Variants in TBX19 observed in about 807,000 individuals in gnomAD.
TBX19 encodes the protein T-box transcription factor TBX19.
A neutral mutation model predicts 40.9 loss-of-function variants in TBX19; 33 were observed. The ratio of observed to expected loss-of-function variants is 0.81; its 90% CI spans 0.61 to 1.08. TBX19 has a LOEUF of 1.08. TBX19 is among the 50% of genes least tolerant of loss of function. The probability of loss-of-function intolerance (pLI) is 0.00; values close to 1 mark genes in which losing one functional copy is unlikely to be tolerated. For synonymous variants in TBX19, 220 were observed against 225.0 expected (o/e 0.98, Z 0.20); for missense variants, 494 against 574.0 (o/e 0.86, Z 1.42).
At chr1:168,303,739 G>A (rs1323221789) in intron 5 of TBX19, among the ~76,000 whole-genome samples, 5 of 152,136 alleles carry the variant, frequency 3.3e-5, no homozygotes, top group Admixed American at 2.0e-4. Flanking sequence ...GGAAAGGGGC[G>A]GGCAATTCCC....
At chr1:168,295,623 TC>T (rs1043317711) in intron 3 of TBX19, among the ~76,000 whole-genome samples, 2 of 152,216 alleles carry the variant, frequency 1.3e-5, no homozygotes, top group African/African-American at 4.8e-5. Context: ...ATGTAAACAG[TC>T]CCTCAGCTGG....
intron 1 of TBX19, among the ~76,000 whole-genome samples, chr1:168,288,117 G>A (rs963033200): frequency 6.6e-6 from 1 of 152,066 alleles, no homozygotes; most frequent in African/African-American, 2.4e-5. Context: ...CCAGGCCCCT[G>A]CAAATATCAA....
At position 168,287,708 on chromosome 1, in the gene TBX19, T is replaced by C. The variant is rs186469466; in HGVS notation, c.204-3452T>C. 2.2e-4 allele frequency among the ~76,000 whole-genome samples: 33 copies of C among 152,342 alleles called. No homozygotes were observed. In the East Asian group the frequency reaches 5.4e-3, roughly 25 times the overall value. Reference sequence around the variant, plus strand: ...GAACAAGAAGATACTGGGTCTGCAATTTTTGTCATTGAATTCCCACCTAGA... The same window carrying C: ...GAACAAGAAGATACTGGGTCTGCAACTTTTGTCATTGAATTCCCACCTAGA... On this transcript the variant is annotated intron_variant, in intron 1 of 7. Transcript: ENST00000367821.
chr1:168,284,768 C>CAAA (rs146281397), intron 1 of TBX19, among the ~76,000 whole-genome samples: 11 of 74,974 alleles, frequency 1.5e-4, no homozygotes, highest in East Asian at 4.1e-4. Flanking sequence ...GACCGTGTCT[C>CAAA]AAAAAAAAAA....
At position 168,293,276 on chromosome 1, in the gene TBX19, G is replaced by T. The variant is rs1416119214; in HGVS notation, c.601G>T (p.Glu201Ter). ...AGCCGTGACTGCCTATCAGAATGAG[G>T]AGGTAAGAGTGTGTGTGTGTGTGTG... ...FIAVTAYQNEEITALKIKYNP... is the reference protein window; with the variant it reads ...FIAVTAYQNE Residue 201 changes from glutamate to a stop codon, truncating the protein, a stop_gained and splice_region_variant, in exon 3 of 8, where the codon GAG (glutamate) becomes TAG (stop). Coordinates refer to ENST00000367821, the MANE Select transcript of TBX19 (RefSeq NM_005149.3). LOFTEE classifies it high-confidence loss of function. 1.5e-5 allele frequency: 24 copies of T among 1,586,742 alleles called. No homozygotes were observed. The highest frequency in any genetic ancestry group is 2.1e-5 in the Non-Finnish European group (24 of 1,168,198).
chr1:168,281,231 T>G lies in TBX19; in HGVS notation c.141T>G (p.Asp47Glu). 6.2e-7 allele frequency: 1 copy of G among 1,614,126 alleles called. No homozygotes were observed. The highest frequency in any genetic ancestry group is 8.5e-7 in the Non-Finnish European group (1 of 1,180,004). The change falls in exon 1 of 8, where the codon GAT becomes GAG. Residue 47 changes from aspartate to glutamate, a missense_variant. Coordinates refer to ENST00000367821, the MANE Select transcript of TBX19 (RefSeq NM_005149.3). ...AGCAACTTCAGATCATCCTGGAGGA[T>G]GCACCTCTCTGGCAGAGATTCAAGG... ...TEKQLQIILE[D>E]APLWQRFKEV...
In TBX19 at chr1:168,291,235, T is replaced by A; in HGVS notation, c.279T>A (p.Phe93Leu). Residue 93 changes from phenylalanine to leucine, a missense_variant, in exon 2 of 8, where the codon TTT (phenylalanine) becomes TTA (leucine). By Grantham distance (22) the Phe-to-Leu change is conservative. This residue lies in a region of TBX19 where 201 missense variants were observed against 235.2 expected (regional missense o/e 0.85). Transcript: ENST00000367821. ...CCATGTACTCCCTCCTGCTGGACTT[T>A]GTCCCTACGGACAGTCACCGCTGGA... ...PNAMYSLLLDFVPTDSHRWKY... is the reference protein window; with the variant it reads ...PNAMYSLLLDLVPTDSHRWKY... 4 of 1,614,240 alleles carry A rather than the reference T, an allele frequency of 2.5e-6. No homozygotes were observed. Among genetic ancestry groups the A allele is most frequent in the Non-Finnish European group, 3.4e-6 (4 of 1,180,044 alleles).
intron 1 of TBX19, among the ~76,000 whole-genome samples, chr1:168,289,156 G>C (rs962050393): frequency 3.9e-5 from 6 of 152,142 alleles, no homozygotes; most frequent in Non-Finnish European, 8.8e-5. Flanking sequence ...CTGACTCCTG[G>C]CTGTCAGAAT....
intron 7 of TBX19, among the ~76,000 whole-genome samples, chr1:168,309,227 G>C (rs1316337677): frequency 6.6e-6 from 1 of 152,088 alleles, no homozygotes; most frequent in Admixed American, 6.6e-5. Context: ...ACAAAAATTA[G>C]CTGGGCATGG....
intron 2 of TBX19, 34 bp downstream of exon 2, chr1:168,291,458 T>C (rs753073937): frequency 6.2e-7 from 1 of 1,613,928 alleles, no homozygotes; most frequent in South Asian, 1.1e-5. Context: ...GGCCACCCGC[T>C]CCGGCCTCCC....
chr1:168,310,037 A>C (rs1024788646), intron 7 of TBX19, among the ~76,000 whole-genome samples: 8 of 152,096 alleles, frequency 5.3e-5, no homozygotes, highest in African/African-American at 1.9e-4. Flanking sequence ...TGCGGTGGCT[A>C]ACACTTGTAA....
chr1:168,296,868 C>T, intron 3 of TBX19, among the ~76,000 whole-genome samples: 1 of 138,512 alleles, frequency 7.2e-6, no homozygotes, highest in East Asian at 2.4e-4. Flanking sequence ...ACTCCCGTCT[C>T]AAAAAAAATA....
intron 7 of TBX19, among the ~76,000 whole-genome samples, chr1:168,310,841 T>A (rs893200937): frequency 1.0e-4 from 15 of 147,064 alleles, no homozygotes; most frequent in Non-Finnish European, 1.9e-4. Flanking sequence ...TATAAATATA[T>A]AAAAATATAA....
chr1:168,293,382 A>G, intron 3 of TBX19, 104 bp downstream of exon 3: 1 of 1,429,396 alleles, frequency 7.0e-7, no homozygotes, highest in African/African-American at 1.5e-5. Context: ...TTTAGATGAA[A>G]GGTAGGTTTT....
In TBX19 at chr1:168,291,147, C is replaced by T; in HGVS notation, c.204-13C>T. On this transcript the variant is annotated splice_polypyrimidine_tract_variant and intron_variant, in intron 1 of 7. Transcript: ENST00000367821. Reference sequence around the variant, plus strand: ...CGTCCCTCCTGTGGCTAAGTTTCTGCCTTTCCTTTTAGACGGATGTTTCCA... The same window carrying T: ...CGTCCCTCCTGTGGCTAAGTTTCTGTCTTTCCTTTTAGACGGATGTTTCCA... The T allele has an allele frequency of 6.2e-7, 1 of 1,610,842 alleles. No individual in the cohort carries two copies. The highest frequency in any genetic ancestry group is 8.5e-7 in the Non-Finnish European group (1 of 1,178,594).
intron 7 of TBX19, among the ~76,000 whole-genome samples, 164 bp from the exon 8 acceptor site, chr1:168,312,543 TC>T (rs1384876845): frequency 1.3e-5 from 2 of 152,246 alleles, no homozygotes; most frequent in East Asian, 1.9e-4. Context: ...TCTTAGCTTT[TC>T]TGCAGAAACA....
rs1649153145 is a variant in TBX19 at position 168,297,890 on chromosome 1, T to C, written c.665+105T>C. The C allele has an allele frequency of 2.9e-6, 3 of 1,017,500 alleles. No homozygotes were observed. In the Admixed American group the frequency reaches 6.0e-5, roughly 20 times the overall value. 63.0% of individuals were successfully genotyped at this position (1,017,500 alleles called of 1,614,324 possible). ...AGGAACTAGACTAGTAGCACTTTCA[T>C]TACCTTTTATAGAAATAGGCTTTCG... On this transcript the variant is annotated intron_variant, in intron 4 of 7. Transcript: ENST00000367821.
At chr1:168,298,823 CTTTCTTTCTTTCTTTCTTTCTTTCTT>C (rs1649188151) in intron 4 of TBX19, among the ~76,000 whole-genome samples, 3 of 15,538 alleles carry the variant, frequency 1.9e-4, no homozygotes, top group African/African-American at 8.7e-4. Context: ...CCCTCCCTTC[CTTTCTTTCTTTCTTTCTTTCTTTCTT>C]TCTTTCTTTC....
intron 1 of TBX19, among the ~76,000 whole-genome samples, chr1:168,285,261 TCACACACA>T (rs36217752): frequency 0.12 from 18,362 of 147,792 alleles, 1,670 homozygotes; most frequent in African/African-American, 0.25. Context: ...ACCATGTATG[TCACACACA>T]CACACACACA....
Sources: gnomAD v4.1 joint callset for allele counts (sites outside exome capture counted in the v4.1 genomes callset) on GRCh38, gnomAD v4.1.1 for gene constraint, gnomAD v4.1.1 regional missense constraint, MANE v1.5 for transcripts, NCBI Gene and HGNC (gene_info 2026-07-23, HGNC 2026-07-21) for gene names.